CCDC88A: variants seen among roughly 807,000 people sequenced by gnomAD.
CCDC88A encodes the protein coiled-coil and HOOK domain protein 88A.
A neutral mutation model predicts 234.3 loss-of-function variants in CCDC88A; 54 were observed. That is an observed-to-expected ratio of 0.23 (90% confidence interval 0.19 to 0.29). CCDC88A has a LOEUF of 0.29. Ranked by LOEUF, CCDC88A falls within the 10% of genes least tolerant of loss-of-function variation. The pLI is 1.00. For missense variants in CCDC88A, 1,832 were observed against 2,123.4 expected (o/e 0.86, Z 2.70); for synonymous variants, 753 against 737.8 (o/e 1.02, Z -0.33).
intron 16 of CCDC88A, chr2:55,330,052 T>C: frequency 6.6e-6 from 1 of 152,134 alleles, no homozygotes; most frequent in Non-Finnish European, 1.5e-5. Flanking sequence ...TGAGCCACCG[T>C]GCCCGGCCTA....
intron 8 of CCDC88A, among the ~76,000 whole-genome samples, chr2:55,353,995 G>A (rs925508419): frequency 6.6e-6 from 1 of 152,150 alleles, no homozygotes; most frequent in Admixed American, 6.5e-5. Flanking sequence ...ATATGGTATA[G>A]CCTATTGCTT....
rs1041605237 is a variant in CCDC88A, at chr2:55,317,074, G to C, written c.3746+132C>G. The stretch of plus-strand genomic sequence containing the variant: ...AAATTCCGAATTCAAACTATGCTTG[G>C]TACTACAAAGGGGCAGTATATAGTT... On this transcript the variant is annotated intron_variant, in intron 21 of 32. Transcript: ENST00000436346. The surrounding 1 kb of genome is among the most constrained non-coding windows in gnomAD (Gnocchi z 4.2). 1 of 305,214 alleles carries C rather than the reference G, an allele frequency of 3.3e-6. No individual in the cohort carries two copies. The highest frequency in any genetic ancestry group is 5.7e-6 in the Non-Finnish European group (1 of 175,332). The allele number at this position is 305,214 out of a possible 1,614,324, so 18.9% of individuals were successfully genotyped here. A position where few individuals can be genotyped will look rare whatever the true frequency, so the allele number is the denominator to read the frequency against.
intron 22 of CCDC88A, chr2:55,315,513 C>T (rs1214011529): frequency 2.6e-5 from 4 of 152,818 alleles, no homozygotes; most frequent in African/African-American, 9.6e-5. Context: ...ATTTCTCACT[C>T]TACCATTCTG....
At chr2:55,389,276 AG>A (rs1363226885) in intron 2 of CCDC88A, among the ~76,000 whole-genome samples, 1 of 152,222 alleles carries the variant, frequency 6.6e-6, no homozygotes, top group Non-Finnish European at 1.5e-5. Flanking sequence ...ACTGGGTAAT[AG>A]GGATTATATT....
At chr2:55,345,737 C>T (rs1173089679) in intron 10 of CCDC88A, 2 of 152,778 alleles carry the variant, frequency 1.3e-5, no homozygotes, top group African/African-American at 2.4e-5. Context: ...TCATGTAACA[C>T]TGAACTGTAA....
intron 2 of CCDC88A, among the ~76,000 whole-genome samples, chr2:55,402,347 G>A (rs2903508): frequency 0.51 from 76,776 of 151,922 alleles, 21,489 homozygotes; most frequent in Admixed American, 0.63. Flanking sequence ...TTCTGCATTC[G>A]GTGGTTGTGA....
intron 22 of CCDC88A, 130 bp downstream of exon 22, chr2:55,315,798 T>C (rs557742120): frequency 7.1e-5 from 34 of 477,468 alleles, no homozygotes; most frequent in African/African-American, 6.5e-4. Flanking sequence ...TCAGTGATCC[T>C]AGACCAAATT....
intron 29 of CCDC88A, among the ~76,000 whole-genome samples, chr2:55,299,165 C>T (rs1341672188): frequency 6.6e-6 from 1 of 152,160 alleles, no homozygotes; most frequent in Non-Finnish European, 1.5e-5. Context: ...GATCACACCA[C>T]TGCACTCCAG....
chr2:55,311,836 A>G (rs1478003421), intron 23 of CCDC88A, among the ~76,000 whole-genome samples: 3 of 152,168 alleles, frequency 2.0e-5, no homozygotes, highest in Admixed American at 6.5e-5. Context: ...TCTCTTTCAC[A>G]TGTTTTGCAG....
intron 2 of CCDC88A, among the ~76,000 whole-genome samples, chr2:55,395,511 G>T (rs1677375377): frequency 1.3e-5 from 2 of 152,168 alleles, no homozygotes; most frequent in Admixed American, 6.5e-5. Context: ...TGACAAGAGG[G>T]ACCATATCTT....
chr2:55,288,154 T>C lies in CCDC88A; in HGVS notation c.*3046A>G, dbSNP rs1411799144. 6.6e-6 allele frequency: 1 copy of C among 152,632 alleles called. No individual in the cohort carries two copies. The highest frequency in any genetic ancestry group is 2.4e-5 in the African/African-American group (1 of 41,456). The allele number at this position is 152,632 out of a possible 1,614,324, so 9.5% of individuals were successfully genotyped here. A position where few individuals can be genotyped will look rare whatever the true frequency, so the allele number is the denominator to read the frequency against. On this transcript the variant is annotated 3_prime_UTR_variant, in exon 33 of 33. Transcript: ENST00000436346. ...TGGTAGACACTGAAAAAGAAAACCC[T>C]TAATAGAAAAGAAAAAGACAATTTA...
intron 2 of CCDC88A, among the ~76,000 whole-genome samples, chr2:55,416,041 G>A (rs980631656): frequency 1.3e-5 from 2 of 150,562 alleles, no homozygotes; most frequent in African/African-American, 4.9e-5. Flanking sequence ...TCCATAATGG[G>A]AAGAAATATC....
chr2:55,353,282 T>C (rs1406810606), intron 8 of CCDC88A, among the ~76,000 whole-genome samples: 1 of 152,206 alleles, frequency 6.6e-6, no homozygotes, highest in Non-Finnish European at 1.5e-5. Flanking sequence ...TTGCATGCTT[T>C]ATCTAAAGAC....
chr2:55,347,389 A>T (rs965805248), intron 9 of CCDC88A, among the ~76,000 whole-genome samples: 5 of 152,116 alleles, frequency 3.3e-5, no homozygotes, highest in Non-Finnish European at 7.3e-5. Flanking sequence ...TCATTCTCTC[A>T]TGAGGGCAGA....
rs942196209 is a variant in CCDC88A at position 55,374,895 on chromosome 2, T to A, written c.274-12A>T. On this transcript the variant is annotated splice_polypyrimidine_tract_variant and intron_variant, in intron 3 of 32. Coordinates refer to ENST00000436346, the MANE Select transcript of CCDC88A (RefSeq NM_001365480.1). ...TGCTGCAAAGTCTCCTGTAAAAAAA[T>A]ATCCAACACTTGTTATATGGGTAAT... is the stretch of plus-strand genomic sequence containing the variant. The A allele has an allele frequency of 4.5e-6, 7 of 1,563,718 alleles. No individual in the cohort carries two copies. The South Asian group carries it at 4.5e-5, about 10-fold the overall frequency.
At chr2:55,363,862 CTA>C (rs1168076276) in intron 6 of CCDC88A, 86 bp downstream of exon 6, 1 of 650,662 alleles carries the variant, frequency 1.5e-6, no homozygotes, top group African/African-American at 1.9e-5. Context: ...CTTGCTTATT[CTA>C]TGACTTTGAA....
At position 55,295,861 on chromosome 2, in the gene CCDC88A, C is replaced by G. The variant is rs764333652; in HGVS notation, c.5287G>C (p.Asp1763His). The change falls in exon 31 of 33, where the codon GAT becomes CAT. Residue 1763 changes from aspartate to histidine, a missense_variant. Coordinates refer to ENST00000436346, the MANE Select transcript of CCDC88A (RefSeq NM_001365480.1). ...FLRPGPRKTEDTYFISSAGKP... is the reference protein window; with the variant it reads ...FLRPGPRKTEHTYFISSAGKP... ...CCCGCAGAACTAATGAAGTAGGTAT[C>G]TTCAGTTTTTCGAGGACCAGGTCTC... The G allele has an allele frequency of 1.2e-5, 20 of 1,613,966 alleles. No individual in the cohort carries two copies. The Admixed American group carries it at 3.3e-4, about 27-fold the overall frequency.
At chr2:55,392,393 T>C (rs1289379523) in intron 2 of CCDC88A, among the ~76,000 whole-genome samples, 4 of 152,208 alleles carry the variant, frequency 2.6e-5, no homozygotes, top group African/African-American at 4.8e-5. Flanking sequence ...TTGACTGAAA[T>C]TGCACTCAAT....
intron 12 of CCDC88A, among the ~76,000 whole-genome samples, chr2:55,342,770 C>A (rs911468123): frequency 1.3e-5 from 2 of 152,074 alleles, no homozygotes; most frequent in African/African-American, 4.8e-5. Context: ...GGTAATTATT[C>A]TGTAAGCACT....
Sources: gnomAD v4.1 joint callset for allele counts (sites outside exome capture counted in the v4.1 genomes callset) on GRCh38, gnomAD v4.1.1 for gene constraint, Gnocchi (gnomAD v3.1) non-coding constraint, MANE v1.5 for transcripts, NCBI Gene and HGNC (gene_info 2026-07-23, HGNC 2026-07-21) for gene names.